FBXO16: variants seen among roughly 807,000 people sequenced by gnomAD.
FBXO16 encodes F-box protein 16.
Under a neutral mutation model 41.0 loss-of-function variants are expected in FBXO16, and 31 were observed. The observed-to-expected ratio is 0.76, with a 90% CI of 0.57 to 1.02. The LOEUF (loss-of-function observed/expected upper bound fraction) is 1.02, where lower values mean the gene tolerates loss of function less well. Ranked by LOEUF, FBXO16 falls within the 50% of genes least tolerant of loss-of-function variation. The pLI, the probability that FBXO16 is intolerant of heterozygous loss-of-function variation, is 0.00. For missense variants in FBXO16, 361 were observed against 346.2 expected (o/e 1.04, Z -0.34); for synonymous variants, 133 against 117.8 (o/e 1.13, Z -0.84).
At position 28,452,305 on chromosome 8, in the gene FBXO16, T is replaced by C; in HGVS notation, c.679A>G (p.Thr227Ala). ...AGGTAATTAAAACGAATGATATCTG[T>C]TGGGTGCTTATCAGAAGATCGCCAG... ...PPWRSSDKHPTDIIRFNYLDN... is the reference protein window; with the variant it reads ...PPWRSSDKHPADIIRFNYLDN... The change falls in exon 6 of 9, where the codon ACA becomes GCA. Residue 227 changes from threonine (T) to alanine (A), a missense_variant. Thr to Ala is a moderately conservative substitution (Grantham distance 58, BLOSUM62 0). Transcript: ENST00000380254. 6 of 1,614,134 alleles carry C rather than the reference T, an allele frequency of 3.7e-6. No homozygotes were observed. The highest frequency in any genetic ancestry group is 5.1e-6 in the Non-Finnish European group (6 of 1,180,030).
chr8:28,462,756 A>G (rs1803158380), intron 4 of FBXO16, among the ~76,000 whole-genome samples: 1 of 152,190 alleles, frequency 6.6e-6, no homozygotes, highest in Non-Finnish European at 1.5e-5. Context: ...TTACTTGTAA[A>G]AGAAAAAAAC....
chr8:28,472,450 C>T (rs1010487160), intron 3 of FBXO16, among the ~76,000 whole-genome samples: 1 of 152,096 alleles, frequency 6.6e-6, no homozygotes, highest in Non-Finnish European at 1.5e-5. Flanking sequence ...GGCAGGATCT[C>T]TTGGGCTGGG....
Position 28,476,251 on chromosome 8 carries a change from G to A in FBXO16, c.100-2444C>T, listed in dbSNP as rs528437601. 3.9e-5 allele frequency among the ~76,000 whole-genome samples: 6 copies of A among 152,298 alleles called. No individual in the cohort carries two copies. In the South Asian group the frequency reaches 8.3e-4, roughly 21 times the overall value. ...GGAAGTGCTACGCAGGTTAAAACACGAGACAAAGTCTAAACAGAGTCCACA... is the reference window on the plus strand; with the variant it reads ...GGAAGTGCTACGCAGGTTAAAACACAAGACAAAGTCTAAACAGAGTCCACA... On this transcript the variant is annotated intron_variant, in intron 2 of 8. Transcript: ENST00000380254.
chr8:28,470,060 G>A (rs1173080335), intron 3 of FBXO16, among the ~76,000 whole-genome samples: 2 of 151,172 alleles, frequency 1.3e-5, no homozygotes, highest in Non-Finnish European at 2.9e-5. Context: ...CGGGCGCGGT[G>A]GTGGGCACCT....
At chr8:28,471,325 T>G (rs7814516) in intron 3 of FBXO16, among the ~76,000 whole-genome samples, 65,747 of 151,828 alleles carry the variant, frequency 0.43, 14,523 homozygotes, top group East Asian at 0.64. Context: ...AATACTAGAT[T>G]AAACTTTAAA....
chr8:28,479,094 C>T (rs1054214695), intron 2 of FBXO16, among the ~76,000 whole-genome samples: 1 of 152,122 alleles, frequency 6.6e-6, no homozygotes, highest in Non-Finnish European at 1.5e-5. Context: ...GAAGCAGATG[C>T]CATTATGTTT....
At position 28,463,701 on chromosome 8, in the gene FBXO16, C is replaced by G; in HGVS notation, c.253G>C (p.Ala85Pro). The part of the protein sequence containing the change: ...RKLQEKIPAE[A>P]LDFTTKLPRV... Reference sequence around the variant, plus strand: ...GGAAGCTTGGTTGTAAAGTCCAGGGCTTCTGCTGGAATTTTCTCTTGAAGC... The same window carrying G: ...GGAAGCTTGGTTGTAAAGTCCAGGGGTTCTGCTGGAATTTTCTCTTGAAGC... Residue 85 changes from alanine (A) to proline (P), a missense_variant, in exon 4 of 9, where the codon GCC becomes CCC. Transcript: ENST00000380254. 1 of 1,614,218 alleles carries G rather than the reference C, an allele frequency of 6.2e-7. No homozygotes were observed. Among genetic ancestry groups the G allele is most frequent in the Non-Finnish European group, 8.5e-7 (1 of 1,180,032 alleles).
At chr8:28,445,680 C>T (rs1189674194) in intron 7 of FBXO16, among the ~76,000 whole-genome samples, 1 of 152,188 alleles carries the variant, frequency 6.6e-6, no homozygotes, top group Admixed American at 6.5e-5. Flanking sequence ...TAAGCCTCAT[C>T]CAGTCCAACA....
intron 2 of FBXO16, among the ~76,000 whole-genome samples, chr8:28,479,076 C>T (rs538064308): frequency 6.6e-6 from 1 of 152,260 alleles, no homozygotes; most frequent in Admixed American, 6.5e-5. Flanking sequence ...CTCCTTGAGG[C>T]CGCCCCAGAA....
chr8:28,451,220 G>A (rs1167881587), intron 6 of FBXO16, among the ~76,000 whole-genome samples: 1 of 152,176 alleles, frequency 6.6e-6, no homozygotes, highest in Non-Finnish European at 1.5e-5. Flanking sequence ...GAGCTGAAGA[G>A]TCACTTTCAG....
intron 3 of FBXO16, among the ~76,000 whole-genome samples, chr8:28,473,253 A>C (rs1226429748): frequency 6.6e-6 from 1 of 152,316 alleles, no homozygotes; most frequent in African/African-American, 2.4e-5. Flanking sequence ...TGATACCTAC[A>C]GAAAGCACCT....
chr8:28,463,506 A>ATG (rs1466077454), intron 4 of FBXO16, 106 bp downstream of exon 4: 193 of 1,041,524 alleles, frequency 1.9e-4, no homozygotes, highest in Middle Eastern at 6.3e-4. Context: ...ATGTGTATAT[A>ATG]TGTGTGTGTG....
intron 2 of FBXO16, among the ~76,000 whole-genome samples, chr8:28,475,092 T>C (rs562808896): frequency 5.9e-5 from 9 of 152,336 alleles, no homozygotes; most frequent in African/African-American, 2.2e-4. Flanking sequence ...TTTTCCCTCC[T>C]CTTGGCACTT....
In FBXO16 at chr8:28,428,691, C is replaced by A. The variant is rs776334367; in HGVS notation, c.*36G>T. Reference sequence around the variant, plus strand: ...CCCACTGACTCAGGGGGAGGCCAGGCGAGATGAGCTGGAACTTTTAGGGGA... The same window carrying A: ...CCCACTGACTCAGGGGGAGGCCAGGAGAGATGAGCTGGAACTTTTAGGGGA... On this transcript the variant is annotated 3_prime_UTR_variant, in exon 9 of 9. Coordinates refer to ENST00000380254, the MANE Select transcript of FBXO16 (RefSeq NM_172366.4). 1 of 1,573,274 alleles carries A rather than the reference C, an allele frequency of 6.4e-7. No individual in the cohort carries two copies. The highest frequency in any genetic ancestry group is 8.6e-7 in the Non-Finnish European group (1 of 1,161,240).
intron 4 of FBXO16, among the ~76,000 whole-genome samples, chr8:28,463,246 GTT>G (rs1803169710): frequency 6.6e-6 from 1 of 151,438 alleles, no homozygotes; most frequent in South Asian, 2.1e-4. Context: ...TTGTGTACAC[GTT>G]TGTGTGTTTG....
At chr8:28,464,336 T>C (rs531025566) in intron 3 of FBXO16, among the ~76,000 whole-genome samples, 3 of 152,300 alleles carry the variant, frequency 2.0e-5, no homozygotes, top group Non-Finnish European at 2.9e-5. Flanking sequence ...GATGTGTTGA[T>C]AAAGGAGGAC....
Position 28,456,923 on chromosome 8 carries a change from C to T in FBXO16, c.350G>A (p.Trp117Ter). The change falls in exon 5 of 9, where the codon TGG becomes TAG. Residue 117 changes from tryptophan to a stop codon, truncating the protein, a stop_gained. Coordinates refer to ENST00000380254, the MANE Select transcript of FBXO16 (RefSeq NM_172366.4). LOFTEE classifies it high-confidence loss of function. ...CAGCTCAGCAAGGTTCTTCCAATGC[C>T]AGCACACCTGGAAAAACAATTACAA... ...RSLCRCAQVC[W>*]HWKNLAELDQ... The T allele has an allele frequency of 6.2e-7, 1 of 1,612,050 alleles. No individual in the cohort carries two copies. The highest frequency in any genetic ancestry group is 8.5e-7 in the Non-Finnish European group (1 of 1,179,040).
At chr8:28,460,225 G>GTATATATATATATATATATATATATATA (rs771679568) in intron 4 of FBXO16, among the ~76,000 whole-genome samples, 14 of 75,220 alleles carry the variant, frequency 1.9e-4, no homozygotes, top group African/African-American at 9.9e-4. Flanking sequence ...ATATGTGTGT[G>GTATATATATATATATATATATATATATA]TATATATATA....
At chr8:28,439,094 C>CAA (rs57234757) in intron 7 of FBXO16, among the ~76,000 whole-genome samples, 12 of 123,612 alleles carry the variant, frequency 9.7e-5, no homozygotes, top group African/African-American at 3.2e-4. Flanking sequence ...GAACCTGTCT[C>CAA]AAAAAAAAAA....
Sources: gnomAD v4.1 joint callset for allele counts (sites outside exome capture counted in the v4.1 genomes callset) on GRCh38, gnomAD v4.1.1 for gene constraint, MANE v1.5 for transcripts, NCBI Gene and HGNC (gene_info 2026-07-23, HGNC 2026-07-21) for gene names.